The following CEP72 variants were observed in gnomAD, a reference collection of about 807,000 sequenced individuals.
CEP72 encodes the protein centrosomal protein 72, also known as centrosomal protein of 72 kDa.
CEP72 carries 78 observed loss-of-function variants against 65.7 expected under a neutral mutation model. That is an observed-to-expected ratio of 1.19 (90% confidence interval 0.99 to 1.43). The LOEUF (loss-of-function observed/expected upper bound fraction) is 1.43. Ranked by LOEUF, CEP72 falls within the 40% of genes most tolerant of loss-of-function variation. CEP72 has a pLI of 0.00. For synonymous variants in CEP72, 358 were observed against 351.7 expected, an observed-to-expected ratio of 1.02 and a Z score of -0.20; for missense variants, 914 against 832.9, an observed-to-expected ratio of 1.10 and a Z score of -1.20.
downstream of CEP72, among the ~76,000 whole-genome samples, chr5:659,202 C>G (rs553666174): frequency 6.6e-6 from 1 of 152,378 alleles, no homozygotes; most frequent in South Asian, 2.1e-4. Context: ...GTTCCTGGAG[C>G]GCGAGGCGCG....
chr5:637,563 G>T lies in CEP72; in HGVS notation c.951G>T (p.Leu317Phe), dbSNP rs150033054. 972 of 1,614,100 alleles carry T rather than the reference G, an allele frequency of 6.0e-4. 9 individuals carry two copies. The highest frequency in any genetic ancestry group is 5.4e-3 in the South Asian group (495 of 91,082). The stretch of plus-strand genomic sequence containing the variant: ...CGGCCTCTTCTCAGAAGTTGGATTT[G>T]TCAGGAGAAATGGTGCCTGGTCCCC... Reference protein sequence around the residue: ...EDSASSQKLDLSGEMVPGPLP... With the variant: ...EDSASSQKLDFSGEMVPGPLP... Residue 317 changes from leucine to phenylalanine, a missense_variant, in exon 7 of 12, where the codon TTG (leucine) becomes TTT (phenylalanine). Coordinates refer to ENST00000264935, the MANE Select transcript of CEP72 (RefSeq NM_018140.4).
chr5:661,707 G>A (rs897323944), downstream of CEP72: 5 of 152,426 alleles, frequency 3.3e-5, no homozygotes, highest in African/African-American at 1.2e-4. Context: ...GCGGCACACA[G>A]ATGCAATTAC....
chr5:639,123 A>T lies in CEP72; in HGVS notation c.1241A>T (p.Lys414Met), dbSNP rs775295686. Residue 414 changes from lysine (K) to methionine (M), a missense_variant, in exon 8 of 12, where the codon AAG becomes ATG. Physicochemically the swap from Lys to Met is moderately conservative, Grantham distance 95 (BLOSUM62 -1). Coordinates refer to ENST00000264935, the MANE Select transcript of CEP72 (RefSeq NM_018140.4). ...SPGSHSALPG[K>M]KTALQAALLE... ...GGGTCACACTCGGCTCTACCCGGGA[A>T]GAAGACGGCCCTGCAGGCGGCGCTC... 5.6e-6 allele frequency: 9 copies of T among 1,613,316 alleles called. No individual in the cohort carries two copies. The highest frequency in any genetic ancestry group is 1.7e-5 in the Admixed American group (1 of 60,016).
intron 2 of CEP72, chr5:664,982 G>T (rs1422752807): frequency 5.5e-6 from 7 of 1,263,568 alleles, no homozygotes; most frequent in Non-Finnish European, 7.6e-6. Flanking sequence ...CCGCCCCCCA[G>T]CCCCCTCTGG....
At chr5:627,067 C>A (rs1736802634) in intron 4 of CEP72, among the ~76,000 whole-genome samples, 1 of 152,232 alleles carries the variant, frequency 6.6e-6, no homozygotes, top group Non-Finnish European at 1.5e-5. Flanking sequence ...CTTCCATCTT[C>A]TGGCAGATAC....
chr5:668,482 C>T (rs866622637), downstream of CEP72, among the ~76,000 whole-genome samples: 4 of 152,178 alleles, frequency 2.6e-5, no homozygotes, highest in Non-Finnish European at 4.4e-5. Flanking sequence ...GCGTGGGCGC[C>T]GTCAGGGAAG....
At chr5:619,496 G>T (rs559778930) in intron 2 of CEP72, among the ~76,000 whole-genome samples, 113 of 152,214 alleles carry the variant, frequency 7.4e-4, no homozygotes, top group South Asian at 2.9e-3. Flanking sequence ...AGAACCGTGG[G>T]ATGCGCCTGC....
chr5:633,871 G>T lies in CEP72; in HGVS notation c.615G>T (p.Glu205Asp), dbSNP rs1481206875. The change falls in exon 5 of 12, where the codon GAG becomes GAT. Residue 205 changes from glutamate (E) to aspartate (D), a missense_variant. By Grantham distance (45) the Glu-to-Asp change is conservative (BLOSUM62 2). Coordinates refer to ENST00000264935, the MANE Select transcript of CEP72 (RefSeq NM_018140.4). ...EAVLNLIAEC[E>D]WDLGRPPGST... is the part of the protein sequence containing the mutation. ...TCCTGAACCTCATTGCAGAGTGCGA[G>T]TGGGACCTCGGCAGGCCTCCCGGGA... 1 of 1,613,782 alleles carries T rather than the reference G, an allele frequency of 6.2e-7. No individual in the cohort carries two copies. Among genetic ancestry groups the T allele is most frequent in the African/African-American group, 1.3e-5 (1 of 75,076 alleles).
At chr5:665,450 T>TA (rs1267542235) in intron 3 of CEP72, 6 of 721,354 alleles carry the variant, frequency 8.3e-6, no homozygotes, top group Non-Finnish European at 1.3e-5. Context: ...TTCTTATTTT[T>TA]ACCTCTCCTG....
rs1247731128 is a variant in CEP72, at chr5:645,030, T to G, written c.1666+605T>G. Among the ~76,000 whole-genome samples, 1 of 151,222 alleles carries G rather than the reference T, an allele frequency of 6.6e-6. No homozygotes were observed. Among genetic ancestry groups the G allele is most frequent in the East Asian group, 1.9e-4 (1 of 5,192 alleles). ...ATGGAGTCTGCTGTCCACGGTAACC[T>G]TCTCGGTGTGGCGTGGAGTCTCTTG... is the stretch of plus-strand genomic sequence containing the variant. On this transcript the variant is annotated intron_variant, in intron 10 of 11. Transcript: ENST00000264935. This position sits in a 1 kb window ranked among gnomAD's most constrained non-coding sequence, Gnocchi z 4.0.
intron 4 of CEP72, among the ~76,000 whole-genome samples, chr5:625,603 A>G (rs1218133134): frequency 6.6e-6 from 1 of 152,176 alleles, no homozygotes; most frequent in African/African-American, 2.4e-5. Flanking sequence ...ATGGCTCTGC[A>G]TCCCTGGGAT....
rs143481635 is a variant in CEP72, at chr5:641,760, A to G, written c.1539+1156A>G. On this transcript the variant is annotated intron_variant, in intron 9 of 11. Transcript: ENST00000264935. ...CCATCCCCCATCCAGAAGCCTGTGC[A>G]TTTAAGCACACGTGGTCCCCCGTCT... 1,731 of 979,090 alleles carry G rather than the reference A, an allele frequency of 1.8e-3. 35 individuals carry two copies. In the African/African-American group the frequency reaches 0.028, roughly 16 times the overall value. 60.7% of individuals were successfully genotyped at this position (979,090 alleles called of 1,614,324 possible). A position where few individuals can be genotyped will look rare whatever the true frequency, so the allele number is the denominator to read the frequency against.
Position 624,508 on chromosome 5 carries a change from C to T in CEP72, c.441C>T (p.Ser147=), listed in dbSNP as rs1736613891. The change falls in exon 4 of 12, where the codon TCC becomes TCT. Residue 147 remains serine, a synonymous_variant. Transcript: ENST00000264935. The surrounding 1 kb of genome is among the most constrained non-coding windows in gnomAD (Gnocchi z 4.7). The part of the protein sequence containing the change: ...RPVRASERKA[S]RLHFASEDSL... ...TGAGAGCAAGCGAGCGGAAGGCTTC[C>T]CGACTGCATTTTGCATCAGAGGACT... is the stretch of plus-strand genomic sequence containing the variant. 1 of 1,614,198 alleles carries T rather than the reference C, an allele frequency of 6.2e-7. No homozygotes were observed. The highest frequency in any genetic ancestry group is 2.2e-5 in the East Asian group (1 of 44,876).
intron 10 of CEP72, among the ~76,000 whole-genome samples, chr5:644,948 A>C (rs1201202625): frequency 6.6e-6 from 1 of 151,734 alleles, no homozygotes; most frequent in Non-Finnish European, 1.5e-5. Flanking sequence ...CTATTTTTAC[A>C]AAAGTGTATT....
intron 4 of CEP72, among the ~76,000 whole-genome samples, chr5:629,100 G>A (rs1352645711): frequency 1.3e-5 from 2 of 152,278 alleles, no homozygotes; most frequent in African/African-American, 4.8e-5. Context: ...AGCGTTCCTG[G>A]TCACTGCCCT....
chr5:657,311 G>GCA (rs1177292842), downstream of CEP72, among the ~76,000 whole-genome samples: 1 of 152,058 alleles, frequency 6.6e-6, no homozygotes, highest in African/African-American at 2.4e-5. Context: ...TGCGTCCTGA[G>GCA]CACTGGGTAG....
rs1168943236 is a variant in CEP72 at position 647,819 on chromosome 5, G to A, written c.1681G>A (p.Val561Met). ...NLQIAGLQTS[V>M]KRLCGEIVEL... ...TTCTCTTTCAGGACTTCAAACAAGT[G>A]TGAAGAGGCTGTGTGGCGAGATTGT... The change falls in exon 11 of 12, where the codon GTG (valine) becomes ATG (methionine). Residue 561 changes from valine (V) to methionine (M), a missense_variant. Transcript: ENST00000264935. 1.9e-6 allele frequency: 3 copies of A among 1,610,740 alleles called. No individual in the cohort carries two copies. In the Admixed American group the frequency reaches 5.0e-5, roughly 27 times the overall value.
At chr5:621,691 C>T (rs374166433) in intron 3 of CEP72, among the ~76,000 whole-genome samples, 4 of 152,222 alleles carry the variant, frequency 2.6e-5, no homozygotes, top group East Asian at 3.9e-4. Flanking sequence ...CATGCGGGGC[C>T]GTGTCACCTC....
exon 3 of CEP72, chr5:665,276 T>G (rs375077697): frequency 1.9e-6 from 3 of 1,613,128 alleles, no homozygotes; most frequent in African/African-American, 2.7e-5. Context: ...GCCTCGACAC[T>G]GTGGGCGACG....
Sources: allele counts gnomAD v4.1 joint callset (sites outside exome capture counted in the v4.1 genomes callset), GRCh38; gene constraint gnomAD v4.1.1; non-coding constraint Gnocchi (gnomAD v3.1); transcripts MANE v1.5; gene names NCBI Gene and HGNC (gene_info 2026-07-23, HGNC 2026-07-21).